Variants in GALNT13 observed in about 807,000 individuals in gnomAD.
GALNT13 encodes the protein UDP-GalNAc:polypeptide N-acetylgalactosaminyltransferase 13.
Under a neutral mutation model 64.2 loss-of-function variants are expected in GALNT13, and 28 were observed. The ratio of observed to expected loss-of-function variants is 0.44; its 90% CI spans 0.32 to 0.60. The LOEUF (loss-of-function observed/expected upper bound fraction) is 0.60. Among genes scored for constraint, GALNT13 ranks in the 20% least tolerant of loss-of-function variants. The pLI, the probability that GALNT13 is intolerant of heterozygous loss-of-function variation, is 0.05. For synonymous variants in GALNT13, 214 were observed against 224.6 expected (o/e 0.95, Z 0.42); for missense variants, 577 against 669.8 (o/e 0.86, Z 1.53).
chr2:153,174,339 AC>A, the GALNT13 span, among the ~76,000 whole-genome samples: 1 of 152,130 alleles, frequency 6.6e-6, no homozygotes, highest in Non-Finnish European at 1.5e-5. Context: ...CCATGCCTTT[AC>A]CCTTCAGTCC....
the GALNT13 span, among the ~76,000 whole-genome samples, chr2:153,844,782 C>A: frequency 6.6e-6 from 1 of 152,226 alleles, no homozygotes; most frequent in Admixed American, 6.5e-5. Flanking sequence ...CAGCCAGCCA[C>A]ATCCTGAATG....
chr2:154,166,163 G>T (rs1037566646), intron 4 of GALNT13, among the ~76,000 whole-genome samples: 1 of 152,278 alleles, frequency 6.6e-6, no homozygotes, highest in Non-Finnish European at 1.5e-5. Context: ...TTAGCACTTT[G>T]GGAGGCTGAG....
At chr2:153,543,546 T>C in the GALNT13 span, among the ~76,000 whole-genome samples, 1 of 152,234 alleles carries the variant, frequency 6.6e-6, no homozygotes, top group African/African-American at 2.4e-5. Context: ...AGTGTGTGTT[T>C]ATACATGTTA....
the GALNT13 span, among the ~76,000 whole-genome samples, chr2:153,561,998 G>GCC: frequency 0.48 from 69,939 of 145,914 alleles, 17,464 homozygotes; most frequent in African/African-American, 0.6. Flanking sequence ...TCACACTTTT[G>GCC]CCCCTTTTCT....
chr2:154,015,560 G>C (rs1401442365), intron 3 of GALNT13, among the ~76,000 whole-genome samples: 2 of 152,110 alleles, frequency 1.3e-5, no homozygotes, highest in African/African-American at 4.8e-5. Flanking sequence ...GCTATCAGTG[G>C]ACAACTTTTC....
the GALNT13 span, among the ~76,000 whole-genome samples, chr2:153,110,953 G>A: frequency 6.6e-6 from 1 of 152,042 alleles, no homozygotes; most frequent in African/African-American, 2.4e-5. Flanking sequence ...AATCACTTAT[G>A]TGTGCAAATG....
chr2:154,276,202 T>C (rs1691643870), intron 8 of GALNT13, among the ~76,000 whole-genome samples: 1 of 151,994 alleles, frequency 6.6e-6, no homozygotes, highest in South Asian at 2.1e-4. Flanking sequence ...TTGTTTTCTT[T>C]TCTTTTCTCT....
At chr2:153,547,082 G>A in the GALNT13 span, among the ~76,000 whole-genome samples, 1 of 152,202 alleles carries the variant, frequency 6.6e-6, no homozygotes, top group Non-Finnish European at 1.5e-5. Flanking sequence ...GATGGATGAA[G>A]TAGAATGTTT....
the GALNT13 span, among the ~76,000 whole-genome samples, chr2:153,114,159 T>G: frequency 1.3e-5 from 2 of 152,088 alleles, no homozygotes; most frequent in African/African-American, 4.8e-5. Context: ...AACTTGGAGA[T>G]GATGCTTGAC....
chr2:153,247,498 C>CTCAA, the GALNT13 span, among the ~76,000 whole-genome samples: 1 of 152,174 alleles, frequency 6.6e-6, no homozygotes, highest in Non-Finnish European at 1.5e-5. Context: ...CAAAACTGCA[C>CTCAA]AACTACATGG....
chr2:154,090,107 G>A (rs1193842034), intron 3 of GALNT13, among the ~76,000 whole-genome samples: 1 of 151,978 alleles, frequency 6.6e-6, no homozygotes, highest in African/African-American at 2.4e-5. Context: ...AATGATGTGA[G>A]TACATAATAT....
chr2:154,060,847 T>C (rs377567077), intron 3 of GALNT13, among the ~76,000 whole-genome samples: 28 of 152,126 alleles, frequency 1.8e-4, no homozygotes, highest in African/African-American at 6.3e-4. Flanking sequence ...ATTAATATAG[T>C]TCCTACAGGT....
At chr2:154,412,589 T>C (rs1699842237) in intron 11 of GALNT13, among the ~76,000 whole-genome samples, 1 of 151,730 alleles carries the variant, frequency 6.6e-6, no homozygotes, top group Admixed American at 6.6e-5. Flanking sequence ...CTTAACCATT[T>C]CTCCTTGCAT....
At chr2:153,566,816 C>T in the GALNT13 span, among the ~76,000 whole-genome samples, 1 of 140,080 alleles carries the variant, frequency 7.1e-6, no homozygotes, top group East Asian at 2.0e-4. Context: ...GCCAGTAGAT[C>T]TTAAAATATA....
chr2:153,131,403 A>G, the GALNT13 span, among the ~76,000 whole-genome samples: 2 of 151,962 alleles, frequency 1.3e-5, no homozygotes, highest in African/African-American at 2.4e-5. Flanking sequence ...AGTATTTTCT[A>G]TGGGGAAGAT....
the GALNT13 span, among the ~76,000 whole-genome samples, chr2:153,593,735 G>A: frequency 0.52 from 79,693 of 151,968 alleles, 23,528 homozygotes; most frequent in African/African-American, 0.81. Context: ...TTATGCTTCA[G>A]TGCTTTAATG....
At chr2:153,306,787 T>G in the GALNT13 span, among the ~76,000 whole-genome samples, 17 of 152,336 alleles carry the variant, frequency 1.1e-4, no homozygotes, top group African/African-American at 4.1e-4. Flanking sequence ...GGAGTCTCGC[T>G]CTGTTGCCCA....
At chr2:154,282,426 C>T (rs374293146) in intron 8 of GALNT13, among the ~76,000 whole-genome samples, 29 of 152,128 alleles carry the variant, frequency 1.9e-4, no homozygotes, top group African/African-American at 6.5e-4. Context: ...ATTTAAATTT[C>T]GGAGGGTTAT....
Position 154,242,199 on chromosome 2 carries a change from A to G in GALNT13, c.478+3A>G, listed in dbSNP as rs1351078420. 1.0e-5 allele frequency: 16 copies of G among 1,603,676 alleles called. No homozygotes were observed. The highest frequency in any genetic ancestry group is 1.4e-5 in the Non-Finnish European group (16 of 1,177,252). ...GGTAGATGATGCCAGTGAAAGAGGT[A>G]CAAACTGGTTTTTTGTTTTTGTTTT... is the stretch of plus-strand genomic sequence containing the variant. On this transcript the variant is annotated splice_donor_region_variant and intron_variant, in intron 5 of 12. Transcript: ENST00000392825.
Sources: gnomAD v4.1 joint callset for allele counts (sites outside exome capture counted in the v4.1 genomes callset) on GRCh38, gnomAD v4.1.1 for gene constraint, MANE v1.5 for transcripts, NCBI Gene and HGNC (gene_info 2026-07-23, HGNC 2026-07-21) for gene names.